Variants in LRP1B observed in about 807,000 individuals in gnomAD.
LRP1B encodes LDL receptor related protein 1B.
LRP1B carries 217 observed loss-of-function variants against 556.6 expected under a neutral mutation model. That is an observed-to-expected ratio of 0.39 (90% CI 0.35 to 0.44). The LOEUF (loss-of-function observed/expected upper bound fraction) is 0.44, where lower values mean the gene tolerates loss of function less well. LRP1B is among the 20% of genes least tolerant of loss of function. The pLI, the probability that LRP1B is intolerant of heterozygous loss-of-function variation, is 1.00. For synonymous variants in LRP1B, 2,047 were observed against 1,865.8 expected (o/e 1.10, Z -2.50); for missense variants, 5,053 against 5,620.8 (o/e 0.90, Z 3.23).
At chr2:141,237,977 T>C (rs1171505558) in intron 5 of LRP1B, among the ~76,000 whole-genome samples, 1 of 152,116 alleles carries the variant, frequency 6.6e-6, no homozygotes, top group African/African-American at 2.4e-5. Flanking sequence ...AATTAACACA[T>C]TGTAAAATAA....
intron 1 of LRP1B, among the ~76,000 whole-genome samples, chr2:141,886,457 A>G (rs1699116506): frequency 6.6e-6 from 1 of 152,124 alleles, no homozygotes; most frequent in Non-Finnish European, 1.5e-5. Context: ...GTAATAGGAG[A>G]CACTCCCTAT....
chr2:140,506,287 C>T (rs1189516185), intron 53 of LRP1B, among the ~76,000 whole-genome samples: 1 of 152,012 alleles, frequency 6.6e-6, no homozygotes, highest in African/African-American at 2.4e-5. Flanking sequence ...CTCTGTCACC[C>T]AGGCTGGAGT....
intron 2 of LRP1B, among the ~76,000 whole-genome samples, chr2:141,583,205 CTT>C (rs1687014312): frequency 6.6e-6 from 1 of 152,056 alleles, no homozygotes; most frequent in African/African-American, 2.4e-5. Flanking sequence ...GAAAGGAAGA[CTT>C]ATTTCGCAAC....
At chr2:141,815,658 A>G (rs1364498228) in intron 1 of LRP1B, among the ~76,000 whole-genome samples, 1 of 152,202 alleles carries the variant, frequency 6.6e-6, no homozygotes, top group Non-Finnish European at 1.5e-5. Flanking sequence ...GCACTCTGAT[A>G]GGACAAAAAC....
intron 66 of LRP1B, among the ~76,000 whole-genome samples, chr2:140,415,795 C>A (rs72898250): frequency 1.3e-5 from 2 of 152,112 alleles, no homozygotes; most frequent in African/African-American, 4.8e-5. Context: ...TTGTCTTTTG[C>A]CACACTCCCC....
At chr2:140,811,739 T>C (rs1429355) in intron 32 of LRP1B, among the ~76,000 whole-genome samples, 42,927 of 151,932 alleles carry the variant, frequency 0.28, 6,557 homozygotes, top group South Asian at 0.43. Context: ...TAATACTAAG[T>C]AATATATTCT....
At chr2:141,508,893 T>C (rs17616060) in intron 2 of LRP1B, among the ~76,000 whole-genome samples, 12,253 of 152,160 alleles carry the variant, frequency 0.081, 569 homozygotes, top group South Asian at 0.13. Flanking sequence ...TTTGTCCTGA[T>C]ATAAAGTGCT....
intron 82 of LRP1B, among the ~76,000 whole-genome samples, chr2:140,318,004 A>G (rs1298591379): frequency 6.6e-6 from 1 of 152,112 alleles, no homozygotes; most frequent in East Asian, 1.9e-4. Context: ...AATCAACTAT[A>G]GGAAAAAGCA....
chr2:141,922,142 T>C (rs1700203275), intron 1 of LRP1B, among the ~76,000 whole-genome samples: 1 of 152,188 alleles, frequency 6.6e-6, no homozygotes, highest in African/African-American at 2.4e-5. Flanking sequence ...CTAAACATTA[T>C]ACAAGAAAAA....
chr2:141,124,677 A>AAAAG (rs1553463454), intron 7 of LRP1B, among the ~76,000 whole-genome samples: 33 of 151,190 alleles, frequency 2.2e-4, no homozygotes, highest in African/African-American at 7.1e-4. Flanking sequence ...AAAAAAAAAA[A>AAAAG]AAAGAAAAAA....
chr2:140,277,312 G>A (rs1326847527), intron 84 of LRP1B, among the ~76,000 whole-genome samples: 3 of 152,046 alleles, frequency 2.0e-5, no homozygotes, highest in African/African-American at 7.2e-5. Context: ...TGGGCTGGGT[G>A]CGGTAGCTCA....
chr2:140,849,205 A>G (rs1487668981), intron 29 of LRP1B, among the ~76,000 whole-genome samples: 2 of 32,258 alleles, frequency 6.2e-5, no homozygotes, highest in African/African-American at 1.3e-4. Flanking sequence ...AAATACAAAA[A>G]AAAAAAAAAA....
chr2:140,320,421 T>C (rs1680046314), intron 82 of LRP1B, among the ~76,000 whole-genome samples: 1 of 151,994 alleles, frequency 6.6e-6, no homozygotes, highest in Non-Finnish European at 1.5e-5. Flanking sequence ...AAGAGAAAAA[T>C]CATGCAGAGG....
intron 3 of LRP1B, among the ~76,000 whole-genome samples, chr2:141,443,310 C>T (rs1681056585): frequency 6.6e-6 from 1 of 151,938 alleles, no homozygotes; most frequent in Admixed American, 6.6e-5. Flanking sequence ...GTTTAAGTTT[C>T]TTATAGATTC....
chr2:141,514,105 C>G (rs944487284), intron 2 of LRP1B, among the ~76,000 whole-genome samples: 4 of 152,108 alleles, frequency 2.6e-5, no homozygotes, highest in African/African-American at 9.7e-5. Context: ...ACAACCTTAC[C>G]TATGGGACAG....
chr2:140,755,191 C>G (rs1442535697), intron 35 of LRP1B, among the ~76,000 whole-genome samples: 1 of 152,026 alleles, frequency 6.6e-6, no homozygotes, highest in Non-Finnish European at 1.5e-5. Flanking sequence ...TCGAATCCCT[C>G]AAATCCCAAG....
chr2:141,815,227 T>C (rs1696495765), intron 1 of LRP1B, among the ~76,000 whole-genome samples: 1 of 152,110 alleles, frequency 6.6e-6, no homozygotes, highest in Non-Finnish European at 1.5e-5. Context: ...ATGAAATAGA[T>C]TGATTTTTAG....
chr2:141,694,703 T>G (rs576596025), intron 2 of LRP1B, among the ~76,000 whole-genome samples: 3 of 151,418 alleles, frequency 2.0e-5, no homozygotes, highest in African/African-American at 7.3e-5. Flanking sequence ...CAAATGGTGC[T>G]CTTTAGAAAG....
chr2:140,774,933 G>A lies in LRP1B; in HGVS notation c.5500+1165C>T, dbSNP rs534431052. Among the ~76,000 whole-genome samples, 21 of 152,176 alleles carry A rather than the reference G, an allele frequency of 1.4e-4. No individual in the cohort carries two copies. In the South Asian group the frequency reaches 2.1e-3, roughly 15 times the overall value. On this transcript the variant is annotated intron_variant, in intron 33 of 90. Transcript: ENST00000389484. ...TCAGGTTATACGTTCTCAGGTATATGTATGTATATACATTCTCTTGGGTGC... is the reference window on the plus strand; with the variant it reads ...TCAGGTTATACGTTCTCAGGTATATATATGTATATACATTCTCTTGGGTGC...
Sources: allele counts gnomAD v4.1 joint callset (sites outside exome capture counted in the v4.1 genomes callset), GRCh38; gene constraint gnomAD v4.1.1; transcripts MANE v1.5; gene names NCBI Gene and HGNC (gene_info 2026-07-23, HGNC 2026-07-21).